The following HEPH variants were observed in gnomAD, a reference collection of about 807,000 sequenced individuals.
HEPH encodes the protein hephaestin.
Under a neutral mutation model 80.8 loss-of-function variants are expected in HEPH, and 69 were observed. The observed-to-expected ratio is 0.85, with a 90% CI of 0.70 to 1.04. The LOEUF (loss-of-function observed/expected upper bound fraction) is 1.04. Ranked by LOEUF, HEPH falls within the 50% of genes least tolerant of loss-of-function variation. The pLI, the probability that HEPH is intolerant of heterozygous loss-of-function variation, is 0.00. For synonymous variants in HEPH, 431 were observed against 322.8 expected (o/e 1.34, Z -3.60); for missense variants, 1,115 against 891.3 (o/e 1.25, Z -3.20).
At chrX:66,236,785 T>C (rs188245355) in intron 15 of HEPH, among the ~76,000 whole-genome samples, 4 of 111,559 alleles carry the variant, frequency 3.6e-5, no homozygotes, top group African/African-American at 1.3e-4. Context: ...CTATTACTGA[T>C]TCAACTTCAG....
At chrX:66,233,307 C>CA (rs751696742) in intron 15 of HEPH, among the ~76,000 whole-genome samples, 1 of 111,580 alleles carries the variant, frequency 9.0e-6, no homozygotes, top group Non-Finnish European at 1.9e-5. Flanking sequence ...AGGCATCCAT[C>CA]ACTGCCTTAC....
chrX:66,199,782 G>A (rs2088323313), intron 11 of HEPH, among the ~76,000 whole-genome samples: 1 of 112,195 alleles, frequency 8.9e-6, no homozygotes, highest in African/African-American at 3.2e-5. Flanking sequence ...GATACGACAG[G>A]TAAGTGGTAG....
intron 15 of HEPH, among the ~76,000 whole-genome samples, chrX:66,210,077 C>T (rs1477974480): frequency 2.7e-5 from 3 of 110,776 alleles, no homozygotes; most frequent in African/African-American, 6.6e-5. Context: ...GATGAGACCC[C>T]GAGGAAGGCC....
intron 1 of HEPH, among the ~76,000 whole-genome samples, chrX:66,165,559 G>A (rs2086317722): frequency 9.0e-6 from 1 of 111,133 alleles, no homozygotes; most frequent in Non-Finnish European, 1.9e-5. Flanking sequence ...TCGCAATAAA[G>A]GAACAGTTTG....
At chrX:66,207,112 C>G in intron 13 of HEPH, 83 bp from the exon 14 acceptor site, 10 of 800,283 alleles carry the variant, frequency 1.2e-5, no homozygotes, top group Admixed American at 3.2e-5. Context: ...GAAGCTGGTT[C>G]TGACTTAGCT....
At position 66,188,512 on chromosome X, in the gene HEPH, A is replaced by G. The variant is rs1485942697; in HGVS notation, c.779A>G (p.Glu260Gly). The G allele has an allele frequency of 1.7e-6, 2 of 1,209,865 alleles. No homozygotes were observed. Among genetic ancestry groups the G allele is most frequent in the African/African-American group, 3.5e-5 (2 of 57,802 alleles). ...SDPASVDKED[E>G]TFQESNRMHA... is the part of the protein sequence containing the mutation. ...CCTGCTTCAGTGGACAAAGAAGATG[A>G]GACATTTCAGGAGAGCAATAGGATG... Residue 260 changes from glutamate to glycine, a missense_variant, in exon 5 of 21, where the codon GAG becomes GGG. Glu to Gly is a moderately conservative substitution (Grantham distance 98). Transcript: ENST00000343002.
At chrX:66,248,628 A>C (rs2090899208) in intron 15 of HEPH, among the ~76,000 whole-genome samples, 1 of 112,330 alleles carries the variant, frequency 8.9e-6, no homozygotes, top group South Asian at 3.7e-4. Context: ...GTAAGAATGA[A>C]TATTCTATCT....
chrX:66,247,044 A>T (rs1488961333), intron 15 of HEPH, among the ~76,000 whole-genome samples: 1 of 111,398 alleles, frequency 9.0e-6, no homozygotes, highest in East Asian at 2.8e-4. Context: ...ATTGGCTATT[A>T]ATCTTATTGA....
intron 15 of HEPH, among the ~76,000 whole-genome samples, chrX:66,252,303 T>A (rs1020114770): frequency 1.3e-4 from 15 of 111,814 alleles, no homozygotes; most frequent in Non-Finnish European, 2.3e-4. Flanking sequence ...ATTAGACAAA[T>A]GGAGGTGCCA....
rs748668664 is a variant in HEPH, at chrX:66,263,676, G to A, written c.3232G>A (p.Glu1078Lys). 1 of 1,209,878 alleles carries A rather than the reference G, an allele frequency of 8.3e-7. No individual in the cohort carries two copies. The highest frequency in any genetic ancestry group is 1.8e-5 in the South Asian group (1 of 56,910). The change falls in exon 20 of 21, where the codon GAG (glutamate) becomes AAG (lysine). Residue 1078 changes from glutamate to lysine, a missense_variant. Coordinates refer to ENST00000343002, the MANE Select transcript of HEPH (RefSeq NM_001367233.3). The part of the protein sequence containing the change: ...HLSPLTVITK[E>K]TEKAVPPRDI... Reference sequence around the variant, plus strand: ...AAGCCCTCTCACCGTCATCACCAAAGAGACTGAAAAAGGTACGTAAAATGA... The same window carrying A: ...AAGCCCTCTCACCGTCATCACCAAAAAGACTGAAAAAGGTACGTAAAATGA...
chrX:66,176,472 G>T (rs2086806943), intron 4 of HEPH, among the ~76,000 whole-genome samples: 1 of 111,436 alleles, frequency 9.0e-6, no homozygotes. Context: ...GTTCATCAGG[G>T]ATATCGGTCT....
At chrX:66,247,915 AG>A (rs1373399153) in intron 15 of HEPH, among the ~76,000 whole-genome samples, 1 of 112,070 alleles carries the variant, frequency 8.9e-6, no homozygotes, top group African/African-American at 3.2e-5. Context: ...TAAGTTCCTC[AG>A]TTATATTAGC....
intron 15 of HEPH, among the ~76,000 whole-genome samples, chrX:66,234,294 T>TA (rs1569376533): frequency 1.1e-4 from 12 of 111,175 alleles, no homozygotes; most frequent in African/African-American, 3.3e-4. Context: ...GCTTCTTTTT[T>TA]TAAAAAAAAA....
At chrX:66,231,048 G>A (rs1243516834) in intron 15 of HEPH, among the ~76,000 whole-genome samples, 33 of 108,559 alleles carry the variant, frequency 3.0e-4, no homozygotes, top group African/African-American at 1.1e-3. Context: ...TTTCCCCATT[G>A]CTTGTTTTTC....
chrX:66,225,845 C>T (rs2089864594), intron 15 of HEPH, among the ~76,000 whole-genome samples: 1 of 112,598 alleles, frequency 8.9e-6, no homozygotes, highest in African/African-American at 3.2e-5. Context: ...AGAAATGTAG[C>T]AGGAAAAGCC....
At chrX:66,225,727 C>A (rs1470289666) in intron 15 of HEPH, among the ~76,000 whole-genome samples, 1 of 112,756 alleles carries the variant, frequency 8.9e-6, no homozygotes, top group Non-Finnish European at 1.9e-5. Context: ...CTGTGTCACT[C>A]AAGCTGGCCA....
In HEPH at chrX:66,192,171, G is replaced by A. The variant is rs1377194682; in HGVS notation, c.1105G>A (p.Ala369Thr). 8 of 1,209,943 alleles carry A rather than the reference G, an allele frequency of 6.6e-6. No homozygotes were observed. The highest frequency in any genetic ancestry group is 8.9e-6 in the Non-Finnish European group (8 of 894,796). The change falls in exon 7 of 21, where the codon GCC becomes ACC. Residue 369 changes from alanine to threonine, a missense_variant. By Grantham distance (58) the Ala-to-Thr change is moderately conservative (BLOSUM62 0). Transcript: ENST00000343002. ...ALYKVKSCSM[A>T]PPVDLLTGKV... ...CTACAAGGTCAAGTCTTGCTCCATG[G>A]CCCCTCCTGTGGACCTGCTCACAGG...
chrX:66,265,340 T>C (rs1232416088), intron 20 of HEPH, among the ~76,000 whole-genome samples: 1 of 110,959 alleles, frequency 9.0e-6, no homozygotes, highest in Non-Finnish European at 1.9e-5. Flanking sequence ...TGCTGTGTGC[T>C]GTACAAAAAG....
chrX:66,195,535 C>G (rs1228075687), intron 9 of HEPH, among the ~76,000 whole-genome samples: 1 of 109,981 alleles, frequency 9.1e-6, no homozygotes, highest in Non-Finnish European at 1.9e-5. Context: ...TTTGATATAC[C>G]TTTAAATATT....
Sources: allele counts gnomAD v4.1 joint callset (sites outside exome capture counted in the v4.1 genomes callset), GRCh38; gene constraint gnomAD v4.1.1; transcripts MANE v1.5; gene names NCBI Gene and HGNC (gene_info 2026-07-23, HGNC 2026-07-21).